Variants in TECPR2 observed in about 807,000 individuals in gnomAD.
TECPR2 encodes tectonin beta-propeller repeat-containing protein 2.
In TECPR2, 65 loss-of-function variants were observed where a neutral mutation model predicts 138.1. That is an observed-to-expected ratio of 0.47 (90% CI 0.39 to 0.58). The LOEUF is 0.58. Ranked by LOEUF, TECPR2 falls within the 20% of genes least tolerant of loss-of-function variation. The pLI is 0.00. For synonymous variants in TECPR2, 746 were observed against 749.8 expected, an observed-to-expected ratio of 0.99 and a Z score of 0.08; for missense variants, 1,553 against 1,824.5, an observed-to-expected ratio of 0.85 and a Z score of 2.71.
intron 13 of TECPR2, among the ~76,000 whole-genome samples, chr14:102,449,291 C>T (rs1325703365): frequency 1.3e-5 from 2 of 152,200 alleles, no homozygotes; most frequent in Non-Finnish European, 2.9e-5. Context: ...GAATGAAAGT[C>T]TTCTTAGAAG....
Position 102,500,796 on chromosome 14 carries a change from G to C in TECPR2, c.*2539G>C, listed in dbSNP as rs987817791. ...AAATCCCCACTGGGATTGTTTTGTT[G>C]GGGCAGGCAGGGAGGAATAATGTTA... On this transcript the variant is annotated 3_prime_UTR_variant, in exon 20 of 20. Coordinates refer to ENST00000359520, the MANE Select transcript of TECPR2 (RefSeq NM_014844.5). The C allele has an allele frequency of 6.6e-6, 1 of 152,252 alleles. No individual in the cohort carries two copies. Among genetic ancestry groups the C allele is most frequent in the Non-Finnish European group, 1.5e-5 (1 of 68,058 alleles). 9.4% of individuals were successfully genotyped at this position (152,252 alleles called of 1,614,324 possible). A position where few individuals can be genotyped will look rare whatever the true frequency, so the allele number is the denominator to read the frequency against.
chr14:102,379,638 A>C (rs1416160536), intron 2 of TECPR2, among the ~76,000 whole-genome samples: 3 of 147,844 alleles, frequency 2.0e-5, no homozygotes, highest in African/African-American at 5.0e-5. Context: ...CCCTAGTCAC[A>C]CTGCTGAAGA....
At chr14:102,418,069 G>T (rs1335506737) in intron 5 of TECPR2, among the ~76,000 whole-genome samples, 3 of 152,158 alleles carry the variant, frequency 2.0e-5, no homozygotes, top group African/African-American at 7.2e-5. Context: ...GACATAAGGG[G>T]TTTGACGGGC....
intron 2 of TECPR2, among the ~76,000 whole-genome samples, chr14:102,385,469 A>G (rs1742946274): frequency 6.6e-6 from 1 of 151,074 alleles, no homozygotes; most frequent in Admixed American, 6.6e-5. Context: ...GGACTGTGAC[A>G]TGGTAGAACA....
At chr14:102,366,200 G>A (rs576852668) in intron 1 of TECPR2, among the ~76,000 whole-genome samples, 1 of 152,284 alleles carries the variant, frequency 6.6e-6, no homozygotes, top group Admixed American at 6.5e-5. Flanking sequence ...CAGCAGTGAA[G>A]GCTAGCTGCC....
At chr14:102,491,939 C>T (rs1338455078) in intron 17 of TECPR2, among the ~76,000 whole-genome samples, 1 of 152,204 alleles carries the variant, frequency 6.6e-6, no homozygotes, top group Non-Finnish European at 1.5e-5. Context: ...GATCACATGC[C>T]TCCAATTAGA....
intron 17 of TECPR2, among the ~76,000 whole-genome samples, chr14:102,480,841 G>GTTTTTTTTTTT (rs71119706): frequency 2.7e-5 from 2 of 75,182 alleles, no homozygotes; most frequent in Non-Finnish European, 4.7e-5. Context: ...TTGGTTTTGG[G>GTTTTTTTTTTT]TTTTTTTTTT....
At chr14:102,376,990 G>T in intron 2 of TECPR2, 50 bp downstream of exon 2, 1 of 1,554,448 alleles carries the variant, frequency 6.4e-7, no homozygotes, top group Non-Finnish European at 8.8e-7. Flanking sequence ...CATAGCTGAC[G>T]CTTAACATGC....
chr14:102,379,310 T>C (rs1032226290), intron 2 of TECPR2, among the ~76,000 whole-genome samples: 3 of 151,468 alleles, frequency 2.0e-5, no homozygotes, highest in African/African-American at 7.3e-5. Flanking sequence ...TTAAAATCCA[T>C]GCACAGAGGC....
intron 7 of TECPR2, among the ~76,000 whole-genome samples, chr14:102,431,450 C>T (rs996489962): frequency 6.7e-6 from 1 of 149,278 alleles, no homozygotes; most frequent in African/African-American, 2.5e-5. Flanking sequence ...TCACACCATT[C>T]TCCTGCCTCA....
chr14:102,463,649 C>T lies in TECPR2; in HGVS notation c.3641-1492C>T, dbSNP rs116833868. On this transcript the variant is annotated intron_variant, in intron 16 of 19. Transcript: ENST00000359520. ...GTTGTTTAAAACCAATTGGGACAGG[C>T]GTAGTGGCTCACACCTGTAATCCCA... Among the ~76,000 whole-genome samples the T allele has an allele frequency of 4.6e-3, 693 of 152,144 alleles. 7 individuals carry two copies. Among genetic ancestry groups the T allele is most frequent in the African/African-American group, 0.016 (654 of 41,514 alleles).
intron 9 of TECPR2, among the ~76,000 whole-genome samples, chr14:102,436,308 T>C (rs757772732): frequency 4.9e-4 from 70 of 143,108 alleles, no homozygotes; most frequent in Non-Finnish European, 9.3e-4. Flanking sequence ...CTTTTTTTTC[T>C]TCTTTCTTTC....
chr14:102,402,051 C>A (rs977433746), intron 2 of TECPR2, among the ~76,000 whole-genome samples: 12 of 152,172 alleles, frequency 7.9e-5, no homozygotes, highest in African/African-American at 2.4e-4. Flanking sequence ...GATAAACCAA[C>A]TAGATTTAAC....
chr14:102,435,100 G>T lies in TECPR2; in HGVS notation c.2283G>T (p.Gly761=), dbSNP rs767528993. The T allele has an allele frequency of 3.3e-5, 54 of 1,613,692 alleles. No individual in the cohort carries two copies. The Admixed American group carries it at 7.0e-4, about 21-fold the overall frequency. Residue 761 remains glycine (G), a synonymous_variant, in exon 9 of 20, where the codon GGG becomes GGT. Transcript: ENST00000359520. ...ATGAGGAGGACATCTATGCCCACGGGCTTCCTTCTTCATCCTCAGAGACGA... is the reference window on the plus strand; with the variant it reads ...ATGAGGAGGACATCTATGCCCACGGTCTTCCTTCTTCATCCTCAGAGACGA... ...SSDEEDIYAH[G]LPSSSSETSV... is the part of the protein sequence containing the mutation.
At chr14:102,376,555 G>GT (rs1445224726) in intron 1 of TECPR2, 95 bp from the exon 2 acceptor site, 1 of 627,352 alleles carries the variant, frequency 1.6e-6, no homozygotes, top group African/African-American at 1.8e-5. Flanking sequence ...CAGCTATAAT[G>GT]TTTACCTGCC....
intron 17 of TECPR2, among the ~76,000 whole-genome samples, chr14:102,476,381 A>AG (rs35568399): frequency 0.24 from 35,455 of 148,882 alleles, 4,707 homozygotes; most frequent in East Asian, 0.48. Context: ...AAAAAAAAAA[A>AG]CAACAAAACA....
chr14:102,474,184 C>T (rs1012928769), intron 17 of TECPR2, among the ~76,000 whole-genome samples: 6 of 152,152 alleles, frequency 3.9e-5, no homozygotes, highest in African/African-American at 1.4e-4. Flanking sequence ...GGGAGGATCA[C>T]TTGAGCCCAG....
At chr14:102,378,500 T>A (rs1887701746) in intron 2 of TECPR2, among the ~76,000 whole-genome samples, 1 of 152,190 alleles carries the variant, frequency 6.6e-6, no homozygotes, top group Non-Finnish European at 1.5e-5. Flanking sequence ...GTTATTATGA[T>A]CTTCCTCATT....
At chr14:102,456,974 A>G (rs1487297135) in intron 16 of TECPR2, among the ~76,000 whole-genome samples, 2 of 152,058 alleles carry the variant, frequency 1.3e-5, no homozygotes, top group African/African-American at 4.8e-5. Context: ...AGCCTTCACT[A>G]TGCCAGGGTA....
Sources: gnomAD v4.1 joint callset for allele counts (sites outside exome capture counted in the v4.1 genomes callset) on GRCh38, gnomAD v4.1.1 for gene constraint, MANE v1.5 for transcripts, NCBI Gene and HGNC (gene_info 2026-07-23, HGNC 2026-07-21) for gene names.